Variants in PCDH15 observed in about 807,000 individuals in gnomAD.
The protein encoded by PCDH15 is protocadherin related 15, also known as protocadherin-15.
Under a neutral mutation model 178.5 loss-of-function variants are expected in PCDH15, and 129 were observed. The ratio of observed to expected loss-of-function variants is 0.72; its 90% CI spans 0.63 to 0.84. PCDH15 has a LOEUF of 0.84. PCDH15 is among the 40% of genes least tolerant of loss of function. The pLI is 0.00. For missense variants in PCDH15, 2,230 were observed against 2,099.9 expected, an observed-to-expected ratio of 1.06 and a Z score of -1.21; for synonymous variants, 800 against 732.0, an observed-to-expected ratio of 1.09 and a Z score of -1.50.
intron 3 of PCDH15, among the ~76,000 whole-genome samples, chr10:54,456,125 G>A (rs756904431): frequency 4.6e-5 from 7 of 152,142 alleles, no homozygotes; most frequent in South Asian, 4.1e-4. Flanking sequence ...ACACAGCACT[G>A]TCTAGTGGAA....
intron 2 of PCDH15, among the ~76,000 whole-genome samples, chr10:55,604,454 A>C (rs1843162180): frequency 6.6e-6 from 1 of 151,468 alleles, no homozygotes. Context: ...TTTTTTCAGC[A>C]CCACACCACA....
chr10:55,536,622 T>C (rs1176685242), intron 2 of PCDH15, among the ~76,000 whole-genome samples: 1 of 152,122 alleles, frequency 6.6e-6, no homozygotes, highest in Non-Finnish European at 1.5e-5. Context: ...ACTTCCTCTC[T>C]CACCTGGGGA....
chr10:54,681,986 T>C (rs377148039), intron 1 of PCDH15, among the ~76,000 whole-genome samples: 3 of 152,270 alleles, frequency 2.0e-5, no homozygotes, highest in African/African-American at 7.2e-5. Context: ...ATGAGAAAGA[T>C]GTATCGGAGC....
At chr10:54,562,436 C>A (rs560813701) in intron 2 of PCDH15, among the ~76,000 whole-genome samples, 36 of 152,206 alleles carry the variant, frequency 2.4e-4, no homozygotes, top group African/African-American at 8.7e-4. Context: ...GAAAACAATA[C>A]ATTGTGCATA....
At chr10:55,321,123 GAAAGGAAAAGAAAAGA>G (rs1843887914), upstream of PCDH15, among the ~76,000 whole-genome samples, 2 of 150,170 alleles carry the variant, frequency 1.3e-5, no homozygotes, top group East Asian at 2.0e-4. Flanking sequence ...GAGAGAAAGA[GAAAGGAAAAGAAAAGA>G]AAAGGAAAAG....
intron 21 of PCDH15, among the ~76,000 whole-genome samples, chr10:53,966,772 T>C (rs954263154): frequency 7.2e-5 from 11 of 151,870 alleles, no homozygotes; most frequent in Non-Finnish European, 1.6e-4. Flanking sequence ...GATCGAAGTA[T>C]TCTAATGTAT....
chr10:54,143,199 A>G (rs1299302428), intron 14 of PCDH15, among the ~76,000 whole-genome samples: 1 of 152,156 alleles, frequency 6.6e-6, no homozygotes. Flanking sequence ...GGTGATATTT[A>G]TATGGATGGG....
intron 6 of PCDH15, 140 bp from the exon 7 acceptor site, chr10:54,329,846 C>T: frequency 1.4e-6 from 1 of 694,554 alleles, no homozygotes. Context: ...GCTTCAGAGT[C>T]AATATTGTTA....
At chr10:54,048,051 C>A (rs1273195668) in intron 18 of PCDH15, among the ~76,000 whole-genome samples, 2 of 152,134 alleles carry the variant, frequency 1.3e-5, no homozygotes, top group East Asian at 3.9e-4. Context: ...CCCTTTTTTC[C>A]ACACCTTTGC....
At chr10:55,621,884 A>G (rs550297814) in intron 2 of PCDH15, among the ~76,000 whole-genome samples, 1 of 150,922 alleles carries the variant, frequency 6.6e-6, no homozygotes, top group South Asian at 2.1e-4. Flanking sequence ...TAACATATAC[A>G]TGATTTTCTG....
intron 15 of PCDH15, among the ~76,000 whole-genome samples, chr10:54,107,175 T>C (rs1026509125): frequency 3.9e-5 from 6 of 152,232 alleles, no homozygotes. Context: ...TGTTCTCTTA[T>C]ATACTACTTG....
chr10:54,483,740 CT>C (rs1462504757), intron 3 of PCDH15, among the ~76,000 whole-genome samples: 1 of 151,728 alleles, frequency 6.6e-6, no homozygotes, highest in African/African-American at 2.4e-5. Context: ...GAAAGGTACC[CT>C]TTTAGTTCCA....
At chr10:54,896,513 G>GA (rs58802302) in intron 3 of PCDH15, among the ~76,000 whole-genome samples, 16,656 of 149,372 alleles carry the variant, frequency 0.11, 1,230 homozygotes, top group East Asian at 0.23. Flanking sequence ...TTTCCCAGCG[G>GA]AAAAAAAAAA....
chr10:54,616,242 G>A (rs993744704), intron 2 of PCDH15, among the ~76,000 whole-genome samples: 3 of 152,028 alleles, frequency 2.0e-5, no homozygotes, highest in Non-Finnish European at 2.9e-5. Context: ...GAGGCATGAA[G>A]AAGAGCTCTG....
intron 5 of PCDH15, among the ~76,000 whole-genome samples, chr10:54,362,208 G>A (rs1400081164): frequency 6.6e-6 from 1 of 151,946 alleles, no homozygotes; most frequent in East Asian, 1.9e-4. Flanking sequence ...CAGGAGGTAT[G>A]ATATCAGAAA....
chr10:53,813,974 A>T, intron 35 of PCDH15, among the ~76,000 whole-genome samples: 1 of 152,200 alleles, frequency 6.6e-6, no homozygotes, highest in African/African-American at 2.4e-5. Flanking sequence ...ACAAAAATAT[A>T]TTTATTATAG....
intron 2 of PCDH15, among the ~76,000 whole-genome samples, chr10:54,966,559 T>C (rs1838795741): frequency 6.6e-6 from 1 of 152,114 alleles, no homozygotes. Flanking sequence ...TAATAATGGT[T>C]TGGCTGTGTA....
intron 1 of PCDH15, among the ~76,000 whole-genome samples, chr10:54,768,074 T>C (rs1179181348): frequency 6.6e-6 from 1 of 152,166 alleles, no homozygotes; most frequent in African/African-American, 2.4e-5. Context: ...TACAATCTCC[T>C]CTATTTTTCT....
intron 3 of PCDH15, among the ~76,000 whole-genome samples, chr10:54,418,211 G>A (rs1162742479): frequency 6.6e-6 from 1 of 152,040 alleles, no homozygotes; most frequent in South Asian, 2.1e-4. Context: ...GTACTTGAAT[G>A]GTACAGCTGA....
Sources: gnomAD v4.1 joint callset for allele counts (sites outside exome capture counted in the v4.1 genomes callset) on GRCh38, gnomAD v4.1.1 for gene constraint, MANE v1.5 for transcripts, NCBI Gene and HGNC (gene_info 2026-07-23, HGNC 2026-07-21) for gene names.